Variants in MBNL2 observed in about 807,000 individuals in gnomAD.
The protein encoded by MBNL2 is muscleblind like splicing regulator 2.
Under a neutral mutation model 41.9 loss-of-function variants are expected in MBNL2, and 17 were observed. That is an observed-to-expected ratio of 0.41 (90% confidence interval 0.28 to 0.61). MBNL2 has a LOEUF of 0.61. MBNL2 is among the 20% of genes least tolerant of loss of function. MBNL2 has a pLI of 0.35. For missense variants in MBNL2, 336 were observed against 505.6 expected, an observed-to-expected ratio of 0.66 and a Z score of 3.22; for synonymous variants, 195 against 182.9, an observed-to-expected ratio of 1.07 and a Z score of -0.53.
At chr13:97,172,793 A>T in the MBNL2 span, 1 of 152,212 alleles carries the variant, frequency 6.6e-6, no homozygotes, top group Non-Finnish European at 1.5e-5. Context: ...GTCAGCATGT[A>T]ACTGTAAGTC....
intron 1 of MBNL2, among the ~76,000 whole-genome samples, chr13:97,226,884 A>G (rs2041683819): frequency 6.6e-6 from 1 of 152,132 alleles, no homozygotes; most frequent in Non-Finnish European, 1.5e-5. Flanking sequence ...ACCAGCCAAC[A>G]ACAGGAAGTC....
At chr13:97,220,768 A>G (rs142676560), upstream of MBNL2, among the ~76,000 whole-genome samples, 87 of 152,238 alleles carry the variant, frequency 5.7e-4, no homozygotes, top group African/African-American at 2.0e-3. Flanking sequence ...ATTGGTTGAG[A>G]ATGGGGGAAT....
the MBNL2 span, among the ~76,000 whole-genome samples, chr13:97,209,069 A>T: frequency 6.6e-6 from 1 of 152,264 alleles, no homozygotes. Flanking sequence ...CCAGCTAAAA[A>T]GGTACAATAA....
the MBNL2 span, among the ~76,000 whole-genome samples, chr13:97,143,000 T>G: frequency 6.6e-6 from 1 of 152,254 alleles, no homozygotes; most frequent in Non-Finnish European, 1.5e-5. Context: ...CCATGAACTC[T>G]TCACTTCCTA....
intron 2 of MBNL2, among the ~76,000 whole-genome samples, chr13:97,291,120 A>T (rs1165285980): frequency 6.6e-6 from 1 of 152,134 alleles, no homozygotes; most frequent in Non-Finnish European, 1.5e-5. Flanking sequence ...AGGAAGGGCC[A>T]GGTGGTTGGT....
chr13:97,143,805 T>C, the MBNL2 span, among the ~76,000 whole-genome samples: 1 of 152,210 alleles, frequency 6.6e-6, no homozygotes. Flanking sequence ...GATAGTTCAA[T>C]GATGGCTATG....
At chr13:97,348,535 TTA>T (rs2153090913) in intron 5 of MBNL2, among the ~76,000 whole-genome samples, 1 of 152,296 alleles carries the variant, frequency 6.6e-6, no homozygotes, top group South Asian at 2.1e-4. Context: ...TCAAAAAATT[TTA>T]TGAGACCATG....
chr13:97,383,325 T>C (rs904846994), intron 8 of MBNL2, among the ~76,000 whole-genome samples: 1 of 152,228 alleles, frequency 6.6e-6, no homozygotes, highest in South Asian at 2.1e-4. Context: ...CAGAATCTTA[T>C]TCAAAGTTGA....
intron 7 of MBNL2, among the ~76,000 whole-genome samples, chr13:97,364,251 A>G (rs1056777071): frequency 6.6e-6 from 1 of 152,150 alleles, no homozygotes; most frequent in African/African-American, 2.4e-5. Context: ...CCCCACTCAG[A>G]TGCCAACTTG....
chr13:97,197,373 T>A, the MBNL2 span, among the ~76,000 whole-genome samples: 1 of 152,226 alleles, frequency 6.6e-6, no homozygotes, highest in Admixed American at 6.5e-5. Flanking sequence ...CATCTTTGGT[T>A]AAAAATGATT....
chr13:97,342,919 A>G (rs2153081759), intron 3 of MBNL2, 97 bp from the exon 4 acceptor site: 1 of 711,760 alleles, frequency 1.4e-6, no homozygotes, highest in East Asian at 2.6e-5. Context: ...AACACAGAGT[A>G]TATGATGAAT....
At chr13:97,166,845 T>A in the MBNL2 span, among the ~76,000 whole-genome samples, 11 of 140,522 alleles carry the variant, frequency 7.8e-5, no homozygotes, top group South Asian at 1.1e-3. Flanking sequence ...GATAGAAAGA[T>A]AGATAGAGAT....
rs2050299344 is a variant in MBNL2 at position 97,268,532 on chromosome 13, C to A, written c.-604-7100C>A. On this transcript the variant is annotated intron_variant, in intron 1 of 8. Transcript: ENST00000679496. The surrounding 1 kb of genome is among the most constrained non-coding windows in gnomAD (Gnocchi z 4.6). ...TGTGCATCCCTGGGGCAGCTCCCAG[C>A]CTCAACCTACCTGGCAGCCGCAGGG... Among the ~76,000 whole-genome samples, 1 of 152,214 alleles carries A rather than the reference C, an allele frequency of 6.6e-6. No homozygotes were observed. The highest frequency in any genetic ancestry group is 1.9e-4 in the East Asian group (1 of 5,196).
At chr13:97,291,514 A>G (rs541348156) in intron 2 of MBNL2, among the ~76,000 whole-genome samples, 1 of 152,086 alleles carries the variant, frequency 6.6e-6, no homozygotes, top group Non-Finnish European at 1.5e-5. Flanking sequence ...TTAATATTAG[A>G]AAAGCTGATG....
chr13:97,206,403 G>A, the MBNL2 span, among the ~76,000 whole-genome samples: 1 of 152,014 alleles, frequency 6.6e-6, no homozygotes, highest in East Asian at 1.9e-4. Flanking sequence ...TGGAAGGGAG[G>A]GGGATTATAT....
intron 2 of MBNL2, among the ~76,000 whole-genome samples, chr13:97,315,774 G>T (rs2058990414): frequency 1.3e-5 from 2 of 152,158 alleles, no homozygotes; most frequent in Non-Finnish European, 2.9e-5. Flanking sequence ...CTCTGGCAAT[G>T]TGGAAGGCCT....
At chr13:97,238,982 A>G (rs1312709561) in intron 1 of MBNL2, among the ~76,000 whole-genome samples, 1 of 152,348 alleles carries the variant, frequency 6.6e-6, no homozygotes, top group Middle Eastern at 3.4e-3. Flanking sequence ...GGCGTCTCCA[A>G]GGAGGCTTCC....
At chr13:97,362,173 A>G (rs968635080) in intron 7 of MBNL2, among the ~76,000 whole-genome samples, 8 of 152,154 alleles carry the variant, frequency 5.3e-5, no homozygotes, top group African/African-American at 1.9e-4. Flanking sequence ...GAATATTTGG[A>G]TTACATTAAC....
At chr13:97,385,809 C>T (rs1424514650) in intron 8 of MBNL2, among the ~76,000 whole-genome samples, 1 of 152,180 alleles carries the variant, frequency 6.6e-6, no homozygotes, top group African/African-American at 2.4e-5. Context: ...TTTGTCTTCT[C>T]TTGCACCATT....
Sources: gnomAD v4.1 joint callset for allele counts (sites outside exome capture counted in the v4.1 genomes callset) on GRCh38, gnomAD v4.1.1 for gene constraint, Gnocchi (gnomAD v3.1) non-coding constraint, MANE v1.5 for transcripts, NCBI Gene and HGNC (gene_info 2026-07-23, HGNC 2026-07-21) for gene names.